The following PSMG4 variants were observed in gnomAD, a reference collection of about 807,000 sequenced individuals.
PSMG4 encodes the protein proteasome assembly chaperone 4.
In PSMG4, 10 loss-of-function variants were observed where a neutral mutation model predicts 11.0. The observed-to-expected ratio is 0.91, with a 90% CI of 0.56 to 1.54. PSMG4 has a LOEUF of 1.54. Ranked by LOEUF, PSMG4 falls within the 40% of genes most tolerant of loss-of-function variation. The probability of loss-of-function intolerance (pLI) is 0.00; values close to 1 mark genes in which losing one functional copy is unlikely to be tolerated. For missense variants in PSMG4, 198 were observed against 160.9 expected (o/e 1.23, Z -1.25); for synonymous variants, 95 against 71.3 (o/e 1.33, Z -1.68).
At chr6:3,266,048 T>C (rs4959794) in intron 2 of PSMG4, 125,750 of 151,510 alleles carry the variant, frequency 0.83, 52,446 homozygotes, top group Non-Finnish European at 0.87. Flanking sequence ...TGTTGGCTGC[T>C]TTGTAAGGAC....
rs977664594 is a variant in PSMG4 at position 3,259,725 on chromosome 6, C to T, written c.174+529C>T. On this transcript the variant is annotated intron_variant, in intron 1 of 2. Transcript: ENST00000438998. ...CTTTGATTCCTCTTTCTTCACACTCCACGTGCTGAGTCCCTAGGCACTGCC... is the reference window on the plus strand; with the variant it reads ...CTTTGATTCCTCTTTCTTCACACTCTACGTGCTGAGTCCCTAGGCACTGCC... 2.6e-5 allele frequency among the ~76,000 whole-genome samples: 4 copies of T among 152,204 alleles called. No individual in the cohort carries two copies. The South Asian group carries it at 8.3e-4, about 31-fold the overall frequency.
intron 1 of PSMG4, among the ~76,000 whole-genome samples, chr6:3,260,292 T>TA (rs1554129658): frequency 0.061 from 770 of 12,566 alleles, 9 homozygotes; most frequent in Middle Eastern, 0.31. Flanking sequence ...TATATATATA[T>TA]TTTTTTTTTT....
intron 2 of PSMG4, 31 bp from the exon 3 acceptor site, chr6:3,267,560 G>C (rs768172491): frequency 3.2e-6 from 5 of 1,548,788 alleles, no homozygotes; most frequent in Non-Finnish European, 4.4e-6. Context: ...TATTTCAGGA[G>C]TGGCTGTATC....
chr6:3,255,081 C>A, upstream of PSMG4: 1 of 1,550,990 alleles, frequency 6.4e-7, no homozygotes, highest in Non-Finnish European at 8.7e-7. Flanking sequence ...TGCTTCTATT[C>A]CTAAGAAGTT....
In PSMG4 at chr6:3,267,857, G is replaced by A; in HGVS notation, c.*145G>A. The A allele has an allele frequency of 1.2e-6, 1 of 823,254 alleles. No individual in the cohort carries two copies. Among genetic ancestry groups the A allele is most frequent in the South Asian group, 1.7e-5 (1 of 57,264 alleles). 51.0% of individuals were successfully genotyped at this position (823,254 alleles called of 1,614,324 possible). A position where few individuals can be genotyped will look rare whatever the true frequency, so the allele number is the denominator to read the frequency against. On this transcript the variant is annotated 3_prime_UTR_variant, in exon 3 of 3. Transcript: ENST00000438998. ...GAGCTTCCTTCTCAGCAGTGTGTGG[G>A]CCAAAAGGCTCATACTGACCCACCT...
At chr6:3,254,834 C>T (rs1194534728), upstream of PSMG4, among the ~76,000 whole-genome samples, 3 of 152,100 alleles carry the variant, frequency 2.0e-5, no homozygotes, top group Non-Finnish European at 4.4e-5. Flanking sequence ...ACAGTGGGAC[C>T]TTAGAAAACA....
In PSMG4 at chr6:3,267,599, A is replaced by G. The variant is rs1334081781; in HGVS notation, c.259A>G (p.Thr87Ala). 2.6e-6 allele frequency: 4 copies of G among 1,551,516 alleles called. No individual in the cohort carries two copies. ...GTGTTTTCTCTTTTTAGCCAGGAAGACCAACAAACAGGTGTTTGTCAGCTA... is the reference window on the plus strand; with the variant it reads ...GTGTTTTCTCTTTTTAGCCAGGAAGGCCAACAAACAGGTGTTTGTCAGCTA... ...TGLAQRLARK[T>A]NKQVFVSYNL... Residue 87 changes from threonine (T) to alanine (A), a missense_variant, in exon 3 of 3, where the codon ACC (threonine) becomes GCC (alanine). Transcript: ENST00000438998.
chr6:3,255,680 A>G (rs557026388), upstream of PSMG4, among the ~76,000 whole-genome samples: 150 of 152,334 alleles, frequency 9.8e-4, no homozygotes, highest in Middle Eastern at 0.01. Flanking sequence ...GATTTGTATG[A>G]GATCCCTCCT....
At chr6:3,261,001 A>G (rs1757970530) in intron 1 of PSMG4, among the ~76,000 whole-genome samples, 1 of 152,048 alleles carries the variant, frequency 6.6e-6, no homozygotes. Context: ...CTGCTTGCCC[A>G]GGGTGAGCGT....
At chr6:3,263,977 A>G (rs1758090016) in intron 2 of PSMG4, 1 of 1,334,702 alleles carries the variant, frequency 7.5e-7, no homozygotes, top group Non-Finnish European at 1.0e-6. Flanking sequence ...GCCTGTTCCC[A>G]AAGGACTCCC....
chr6:3,258,902 C>A, upstream of PSMG4: 1 of 1,005,278 alleles, frequency 9.9e-7, no homozygotes. Context: ...TCACCCCCGC[C>A]CTTCCGGGGC....
upstream of PSMG4, among the ~76,000 whole-genome samples, chr6:3,257,783 G>A (rs1393019388): frequency 6.6e-6 from 1 of 152,082 alleles, no homozygotes; most frequent in African/African-American, 2.4e-5. Context: ...TTCACTTTGT[G>A]GATTGTGATG....
upstream of PSMG4, among the ~76,000 whole-genome samples, chr6:3,256,330 T>C (rs575104741): frequency 6.6e-6 from 1 of 152,224 alleles, no homozygotes; most frequent in Non-Finnish European, 1.5e-5. Flanking sequence ...CCCTGATGGG[T>C]CCACAGACCC....
upstream of PSMG4, chr6:3,258,803 GA>G (rs1757848376): frequency 7.6e-6 from 3 of 392,604 alleles, no homozygotes; most frequent in Admixed American, 1.4e-4. Context: ...GACAACCAGG[GA>G]CAGCTACTCC....
At chr6:3,257,551 G>A (rs974027825), upstream of PSMG4, among the ~76,000 whole-genome samples, 10 of 152,122 alleles carry the variant, frequency 6.6e-5, no homozygotes, top group African/African-American at 2.4e-4. Flanking sequence ...GCCATACAAT[G>A]GAACACTGCT....
chr6:3,254,465 C>CT (rs1001192732), upstream of PSMG4, among the ~76,000 whole-genome samples: 2 of 150,930 alleles, frequency 1.3e-5, no homozygotes, highest in East Asian at 1.9e-4. Context: ...TTTTGTGTGT[C>CT]TTTTTAGATA....
At chr6:3,264,124 C>A in intron 2 of PSMG4, 2 of 1,529,232 alleles carry the variant, frequency 1.3e-6, no homozygotes. Context: ...GCCTCCCGGG[C>A]CTTAGGAGGA....
At chr6:3,254,633 T>C (rs997780932), upstream of PSMG4, among the ~76,000 whole-genome samples, 3 of 152,170 alleles carry the variant, frequency 2.0e-5, no homozygotes, top group Non-Finnish European at 4.4e-5. Flanking sequence ...GGTGTAACAC[T>C]GATTGTGAAG....
upstream of PSMG4, among the ~76,000 whole-genome samples, chr6:3,257,759 G>A (rs1757814512): frequency 6.6e-6 from 1 of 152,202 alleles, no homozygotes; most frequent in African/African-American, 2.4e-5. Context: ...GGGCAGGAGG[G>A]AGTACTGGAC....
Sources: gnomAD v4.1 joint callset for allele counts (sites outside exome capture counted in the v4.1 genomes callset) on GRCh38, gnomAD v4.1.1 for gene constraint, MANE v1.5 for transcripts, NCBI Gene and HGNC (gene_info 2026-07-23, HGNC 2026-07-21) for gene names.